Variants in RANBP2 observed in about 807,000 individuals in gnomAD.
The protein encoded by RANBP2 is RAN binding protein 2, also known as E3 SUMO-protein ligase RanBP2.
In RANBP2, 57 loss-of-function variants were observed where a neutral mutation model predicts 303.6. The ratio of observed to expected loss-of-function variants is 0.19; its 90% confidence interval spans 0.15 to 0.23. The LOEUF is 0.23. Ranked by LOEUF, RANBP2 falls within the 10% of genes least tolerant of loss-of-function variation. The probability of loss-of-function intolerance (pLI) is 1.00; values close to 1 mark genes in which losing one functional copy is unlikely to be tolerated. For missense variants in RANBP2, 3,138 were observed against 3,780.8 expected, an observed-to-expected ratio of 0.83 and a Z score of 4.46; for synonymous variants, 1,167 against 1,301.5, an observed-to-expected ratio of 0.90 and a Z score of 2.23.
the RANBP2 span, among the ~76,000 whole-genome samples, chr2:109,419,385 A>G: frequency 0.029 from 4,457 of 152,266 alleles, 229 homozygotes; most frequent in African/African-American, 0.1. Context: ...GCTCCCTCCC[A>G]TGACAGTCCA....
the RANBP2 span, among the ~76,000 whole-genome samples, chr2:109,426,854 A>T: frequency 6.6e-6 from 1 of 152,114 alleles, no homozygotes; most frequent in East Asian, 1.9e-4. Flanking sequence ...TTTAGCCACC[A>T]CCACCCTGAG....
the RANBP2 span, among the ~76,000 whole-genome samples, chr2:109,096,775 A>G: frequency 6.7e-6 from 1 of 148,674 alleles, no homozygotes; most frequent in Non-Finnish European, 1.5e-5. Flanking sequence ...AAACTTTTCT[A>G]TTTACAGCTT....
chr2:109,332,320 CTG>C, the RANBP2 span, among the ~76,000 whole-genome samples: 2 of 152,290 alleles, frequency 1.3e-5, no homozygotes, highest in East Asian at 3.9e-4. Context: ...CCTCCTGATT[CTG>C]TGTTCTGAGA....
the RANBP2 span, among the ~76,000 whole-genome samples, chr2:109,005,162 C>T: frequency 1.3e-5 from 2 of 152,228 alleles, no homozygotes; most frequent in South Asian, 2.1e-4. Context: ...TGCCAGGCCC[C>T]ACTGTAACAA....
the RANBP2 span, among the ~76,000 whole-genome samples, chr2:109,448,926 A>G: frequency 7.4e-4 from 113 of 152,296 alleles, no homozygotes; most frequent in African/African-American, 2.5e-3. Flanking sequence ...CACCTGAGGA[A>G]AGGGGTGTTT....
At chr2:109,357,553 C>T in the RANBP2 span, among the ~76,000 whole-genome samples, 4 of 152,292 alleles carry the variant, frequency 2.6e-5, no homozygotes, top group African/African-American at 7.2e-5. Context: ...GTTACCAGCC[C>T]GCCCTTCCCG....
the RANBP2 span, among the ~76,000 whole-genome samples, chr2:109,118,176 G>C: frequency 4.0e-4 from 61 of 152,180 alleles, no homozygotes; most frequent in Non-Finnish European, 7.2e-4. Flanking sequence ...CCAAATGGCA[G>C]ATGCATGAGC....
chr2:109,161,084 C>T, the RANBP2 span, among the ~76,000 whole-genome samples: 2 of 152,094 alleles, frequency 1.3e-5, no homozygotes, highest in East Asian at 1.9e-4. Flanking sequence ...ACAAGGCAAT[C>T]GACTGTTCAT....
chr2:109,710,369 G>A, the RANBP2 span, among the ~76,000 whole-genome samples: 7 of 112,722 alleles, frequency 6.2e-5, no homozygotes, highest in African/African-American at 1.0e-4. Context: ...GCAACAGAGC[G>A]AGATTCTATC....
chr2:109,306,325 C>A, the RANBP2 span, among the ~76,000 whole-genome samples: 1 of 152,182 alleles, frequency 6.6e-6, no homozygotes, highest in African/African-American at 2.4e-5. Context: ...TGTTCTGACC[C>A]CTGTGTGTCC....
the RANBP2 span, among the ~76,000 whole-genome samples, chr2:109,161,039 T>A: frequency 3.1e-3 from 469 of 152,006 alleles, 1 homozygote; most frequent in African/African-American, 0.011. Context: ...CTGTGAGAGA[T>A]GGAGAGGCAG....
chr2:108,763,867 T>C lies in RANBP2; in HGVS notation c.3328T>C (p.Ser1110Pro). The C allele has an allele frequency of 1.9e-6, 3 of 1,614,020 alleles. No homozygotes were observed. Among genetic ancestry groups the C allele is most frequent in the Non-Finnish European group, 2.5e-6 (3 of 1,179,992 alleles). The change falls in exon 20 of 29, where the codon TCA becomes CCA. Residue 1110 changes from serine (S) to proline (P), a missense_variant. This residue lies in a region of RANBP2 where 403 missense variants were observed against 376.7 expected (regional missense o/e 1.07). Transcript: ENST00000283195. The part of the protein sequence containing the change: ...NFGSKNVSGI[S>P]FTENMGSSQQ... ...TGGAAGCAAAAATGTGTCTGGAATT[T>C]CATTTACAGAAAACATGGGGTCGAG...
chr2:109,626,721 G>C, the RANBP2 span, among the ~76,000 whole-genome samples: 2 of 152,176 alleles, frequency 1.3e-5, no homozygotes, highest in African/African-American at 2.4e-5. Flanking sequence ...ATGCTGCTCA[G>C]ACCTGTACTT....
chr2:108,727,851 CCTCGGT>C (rs1183388241), intron 1 of RANBP2, among the ~76,000 whole-genome samples: 1 of 152,146 alleles, frequency 6.6e-6, no homozygotes, highest in Non-Finnish European at 1.5e-5. Flanking sequence ...GATCCGCCCG[CCTCGGT>C]CTCCGAAAGT....
chr2:108,882,483 AT>A, the RANBP2 span: 5 of 152,188 alleles, frequency 3.3e-5, no homozygotes, highest in African/African-American at 9.7e-5. Flanking sequence ...AGGGTTTGGA[AT>A]TCTCTAAAAG....
At chr2:109,255,424 T>C in the RANBP2 span, among the ~76,000 whole-genome samples, 2 of 152,200 alleles carry the variant, frequency 1.3e-5, no homozygotes, top group Middle Eastern at 3.2e-3. Context: ...ATGATCAGTA[T>C]GAAGGTCTGT....
the RANBP2 span, among the ~76,000 whole-genome samples, chr2:109,131,586 GA>G: frequency 6.6e-6 from 1 of 152,134 alleles, no homozygotes; most frequent in East Asian, 1.9e-4. Flanking sequence ...TATCTTGGGG[GA>G]CTTTGTGTTT....
At chr2:109,399,933 C>A in the RANBP2 span, among the ~76,000 whole-genome samples, 5 of 152,240 alleles carry the variant, frequency 3.3e-5, no homozygotes, top group Non-Finnish European at 7.3e-5. Flanking sequence ...CCCTGCGCTG[C>A]AGCCTTCCAC....
At chr2:109,610,418 T>TA in the RANBP2 span, among the ~76,000 whole-genome samples, 115 of 150,630 alleles carry the variant, frequency 7.6e-4, 1 homozygote, top group Admixed American at 6.7e-3. Context: ...CCTCTTCTAT[T>TA]AAAAAAAAGG....
Sources: gnomAD v4.1 joint callset for allele counts (sites outside exome capture counted in the v4.1 genomes callset) on GRCh38, gnomAD v4.1.1 for gene constraint, gnomAD v4.1.1 regional missense constraint, MANE v1.5 for transcripts, NCBI Gene and HGNC (gene_info 2026-07-23, HGNC 2026-07-21) for gene names.